The following CRACD variants were observed in gnomAD, a reference collection of about 807,000 sequenced individuals.
CRACD encodes the protein capping protein-inhibiting regulator of actin dynamics.
CRACD carries 56 observed loss-of-function variants against 106.8 expected under a neutral mutation model. That is an observed-to-expected ratio of 0.52 (90% confidence interval 0.42 to 0.66). CRACD has a LOEUF of 0.66. Among genes scored for constraint, CRACD ranks in the 30% least tolerant of loss-of-function variants. The pLI is 0.00. For synonymous variants in CRACD, 754 were observed against 670.8 expected, an observed-to-expected ratio of 1.12 and a Z score of -1.92; for missense variants, 1,730 against 1,623.2, an observed-to-expected ratio of 1.07 and a Z score of -1.13.
At chr4:56,258,878 A>T (rs991891727) in intron 2 of CRACD, among the ~76,000 whole-genome samples, 1 of 152,170 alleles carries the variant, frequency 6.6e-6, no homozygotes, top group African/African-American at 2.4e-5. Flanking sequence ...GAATTTTAAG[A>T]TATTTGTGTC....
Position 56,049,181 on chromosome 4 carries a change from C to G in CRACD, c.-454C>G, listed in dbSNP as rs1185572697. On this transcript the variant is annotated 5_prime_UTR_variant, in exon 1 of 11. Transcript: ENST00000682029. ...GCGGGTGCGCTGCTGGTGCTGCTGC[C>G]GCGGCGGCTGCTGATGCGGAGGCTG... 1 of 149,822 alleles carries G rather than the reference C, an allele frequency of 6.7e-6. No individual in the cohort carries two copies. The highest frequency in any genetic ancestry group is 1.9e-4 in the East Asian group (1 of 5,172). 9.3% of individuals were successfully genotyped at this position (149,822 alleles called of 1,614,324 possible). A position where few individuals can be genotyped will look rare whatever the true frequency, so the allele number is the denominator to read the frequency against.
chr4:56,147,610 A>G (rs1735434374), intron 1 of CRACD, among the ~76,000 whole-genome samples: 1 of 152,130 alleles, frequency 6.6e-6, no homozygotes, highest in African/African-American at 2.4e-5. Flanking sequence ...TTTGTATGCA[A>G]GTTTTTTGGT....
intron 1 of CRACD, among the ~76,000 whole-genome samples, chr4:56,138,390 G>A (rs968413918): frequency 3.3e-5 from 5 of 152,020 alleles, no homozygotes; most frequent in Non-Finnish European, 5.9e-5. Flanking sequence ...CTTGAACTTG[G>A]GAGGCGGAAG....
intron 1 of CRACD, among the ~76,000 whole-genome samples, chr4:56,075,014 C>T (rs1246455947): frequency 1.3e-5 from 2 of 152,194 alleles, no homozygotes; most frequent in East Asian, 3.8e-4. Flanking sequence ...GTTAAACCTG[C>T]TTTGCATCCC....
rs550852838 is a variant in CRACD, at chr4:56,286,013, C to T, written c.-16-12201C>T. On this transcript the variant is annotated intron_variant, in intron 3 of 10. Transcript: ENST00000682029. ...CTCTGGCATGAAGAGCCTTAAATGC[C>T]AAGCAACCACTGCAGCTTTATCTGG... Among the ~76,000 whole-genome samples, 14 of 152,224 alleles carry T rather than the reference C, an allele frequency of 9.2e-5. No individual in the cohort carries two copies. The South Asian group carries it at 2.9e-3, about 32-fold the overall frequency.
At chr4:56,069,111 A>G (rs1022695675) in intron 1 of CRACD, among the ~76,000 whole-genome samples, 1 of 152,144 alleles carries the variant, frequency 6.6e-6, no homozygotes, top group Admixed American at 6.6e-5. Flanking sequence ...AGAGGCAAGG[A>G]AGGGTCCTCC....
chr4:56,203,548 T>A (rs959876500), intron 2 of CRACD, among the ~76,000 whole-genome samples: 2 of 152,186 alleles, frequency 1.3e-5, no homozygotes, highest in Non-Finnish European at 2.9e-5. Context: ...CATTCCACTG[T>A]CCAGAGTTGC....
At chr4:56,210,224 A>G (rs909342596) in intron 2 of CRACD, among the ~76,000 whole-genome samples, 1 of 152,216 alleles carries the variant, frequency 6.6e-6, no homozygotes, top group Admixed American at 6.5e-5. Context: ...CCTATTTTTA[A>G]AAATACCTTA....
At chr4:56,323,650 T>C in intron 9 of CRACD, 83 bp downstream of exon 9, 3 of 1,316,338 alleles carry the variant, frequency 2.3e-6, no homozygotes, top group South Asian at 1.6e-5. Context: ...AACAAAAGGC[T>C]AGCTGGGCTG....
At chr4:56,148,706 T>C (rs530703432) in intron 1 of CRACD, among the ~76,000 whole-genome samples, 1 of 152,350 alleles carries the variant, frequency 6.6e-6, no homozygotes, top group South Asian at 2.1e-4. Context: ...GATTTCAAAT[T>C]GTTTCTTTAT....
intron 2 of CRACD, among the ~76,000 whole-genome samples, chr4:56,179,989 C>T (rs1372799475): frequency 1.3e-5 from 2 of 151,794 alleles, no homozygotes; most frequent in Non-Finnish European, 2.9e-5. Context: ...TGCACTCCAG[C>T]CCGGGCAATA....
chr4:56,112,969 G>T (rs1378454905), intron 1 of CRACD, among the ~76,000 whole-genome samples: 1 of 136,152 alleles, frequency 7.3e-6, no homozygotes, highest in Non-Finnish European at 1.6e-5. Flanking sequence ...GTAACTAAAG[G>T]TGTTTTAAGA....
At chr4:56,231,053 C>A (rs1261202449) in intron 2 of CRACD, among the ~76,000 whole-genome samples, 1 of 114,164 alleles carries the variant, frequency 8.8e-6, no homozygotes, top group African/African-American at 3.1e-5. Context: ...AAGTAAAAAA[C>A]AAAACAAAAC....
chr4:56,196,617 G>A (rs528492686), intron 2 of CRACD, among the ~76,000 whole-genome samples: 3 of 152,274 alleles, frequency 2.0e-5, no homozygotes, highest in South Asian at 2.1e-4. Flanking sequence ...TTAAACAGAT[G>A]CCATCCGTCC....
intron 3 of CRACD, among the ~76,000 whole-genome samples, chr4:56,284,292 T>TGAAAAA (rs761644427): frequency 2.2e-5 from 1 of 45,484 alleles, no homozygotes; most frequent in African/African-American, 9.2e-5. Flanking sequence ...CATCCTAAAG[T>TGAAAAA]AAAAAAAAAA....
At chr4:56,089,594 A>G (rs1274920553) in intron 1 of CRACD, among the ~76,000 whole-genome samples, 2 of 142,396 alleles carry the variant, frequency 1.4e-5, no homozygotes, top group African/African-American at 5.3e-5. Flanking sequence ...GCTCACCGCA[A>G]CCTCCGCCTC....
intron 2 of CRACD, among the ~76,000 whole-genome samples, chr4:56,240,585 G>A (rs1209865654): frequency 6.6e-6 from 1 of 152,150 alleles, no homozygotes; most frequent in Non-Finnish European, 1.5e-5. Flanking sequence ...ACTCACTGCA[G>A]CCTCAAACTC....
At chr4:56,279,466 A>C (rs900041657) in intron 3 of CRACD, among the ~76,000 whole-genome samples, 14 of 152,220 alleles carry the variant, frequency 9.2e-5, no homozygotes, top group African/African-American at 3.4e-4. Context: ...AAACAACCCC[A>C]TCAACAAGTG....
chr4:56,080,051 G>T (rs1732971325), intron 1 of CRACD, among the ~76,000 whole-genome samples: 1 of 152,158 alleles, frequency 6.6e-6, no homozygotes, highest in Non-Finnish European at 1.5e-5. Context: ...AATGTTAAAA[G>T]AAATGGCGGT....
Sources: gnomAD v4.1 joint callset for allele counts (sites outside exome capture counted in the v4.1 genomes callset) on GRCh38, gnomAD v4.1.1 for gene constraint, MANE v1.5 for transcripts, NCBI Gene and HGNC (gene_info 2026-07-23, HGNC 2026-07-21) for gene names.